PHYHIPL: variants seen among roughly 807,000 people sequenced by gnomAD.
PHYHIPL encodes the protein phytanoyl-CoA 2-hydroxylase interacting protein like, also known as phytanoyl-CoA hydroxylase-interacting protein-like.
PHYHIPL carries 9 observed loss-of-function variants against 33.4 expected under a neutral mutation model. The observed-to-expected ratio is 0.27, with a 90% CI of 0.16 to 0.47. PHYHIPL has a LOEUF of 0.47. Among genes scored for constraint, PHYHIPL ranks in the 20% least tolerant of loss-of-function variants. PHYHIPL has a pLI of 0.99. For missense variants in PHYHIPL, 365 were observed against 460.7 expected (o/e 0.79, Z 1.90); for synonymous variants, 153 against 154.1 (o/e 0.99, Z 0.05).
intron 1 of PHYHIPL, among the ~76,000 whole-genome samples, chr10:59,204,033 G>A (rs953934102): frequency 5.3e-5 from 8 of 152,042 alleles, no homozygotes; most frequent in Admixed American, 1.3e-4. Context: ...ATGTTGTTAC[G>A]GGAATTTACA....
chr10:59,231,633 G>C (rs901882948), intron 1 of PHYHIPL, among the ~76,000 whole-genome samples: 1 of 152,050 alleles, frequency 6.6e-6, no homozygotes, highest in Admixed American at 6.6e-5. Context: ...GGTGATAAAA[G>C]ATTTAACACA....
intron 1 of PHYHIPL, among the ~76,000 whole-genome samples, chr10:59,218,539 A>G (rs1057309855): frequency 2.6e-5 from 4 of 152,182 alleles, no homozygotes; most frequent in Non-Finnish European, 5.9e-5. Context: ...ATAGAGTGCC[A>G]TAAGAGTTCT....
Position 59,245,266 on chromosome 10 carries a change from G to A in PHYHIPL, c.806G>A (p.Gly269Glu). Residue 269 changes from glycine to glutamate, a missense_variant, in exon 5 of 5, where the codon GGG (glycine) becomes GAG (glutamate). Around this residue, in one of 4 missense-constraint regions of PHYHIPL, gnomAD observed 196 missense variants for 224.9 expected, o/e 0.87. Transcript: ENST00000373880. ...LFNPNTNLYF[G>E]DFYCMYTAYH... is the part of the protein sequence containing the mutation. ...AACCCCAATACTAACTTATACTTTG[G>A]GGACTTCTACTGTATGTACACTGCT... The A allele has an allele frequency of 6.2e-7, 1 of 1,614,014 alleles. No homozygotes were observed. The highest frequency in any genetic ancestry group is 1.3e-5 in the African/African-American group (1 of 75,014).
At chr10:59,186,271 G>A (rs1419631803) in intron 1 of PHYHIPL, among the ~76,000 whole-genome samples, 2 of 152,180 alleles carry the variant, frequency 1.3e-5, no homozygotes, top group Non-Finnish European at 2.9e-5. Flanking sequence ...AGATCAGATA[G>A]TTGTAGATAT....
chr10:59,198,727 A>G (rs903683915), intron 1 of PHYHIPL, among the ~76,000 whole-genome samples: 1 of 144,062 alleles, frequency 6.9e-6, no homozygotes, highest in African/African-American at 2.9e-5. Context: ...TTGTTTCCTG[A>G]CTTTTTAATG....
chr10:59,208,342 A>AGAAG (rs1481254137), intron 1 of PHYHIPL, among the ~76,000 whole-genome samples: 3 of 152,222 alleles, frequency 2.0e-5, no homozygotes, highest in Non-Finnish European at 4.4e-5. Flanking sequence ...ACTGAACGTT[A>AGAAG]GAAGGAAAAC....
At chr10:59,237,072 G>T (rs1840249610) in intron 3 of PHYHIPL, among the ~76,000 whole-genome samples, 1 of 150,094 alleles carries the variant, frequency 6.7e-6, no homozygotes, top group African/African-American at 2.5e-5. Flanking sequence ...CTCTATTTCA[G>T]GTGAATGGAG....
At chr10:59,220,639 A>T (rs1448367922) in intron 1 of PHYHIPL, among the ~76,000 whole-genome samples, 6 of 152,098 alleles carry the variant, frequency 3.9e-5, no homozygotes, top group Non-Finnish European at 7.4e-5. Context: ...GAGCAGTTCT[A>T]TTATTTTACA....
At chr10:59,197,959 T>C (rs1256053205) in intron 1 of PHYHIPL, among the ~76,000 whole-genome samples, 3 of 152,236 alleles carry the variant, frequency 2.0e-5, no homozygotes. Context: ...TTTGCATTTA[T>C]GTCCTCTTGT....
At chr10:59,189,534 CTACT>C (rs1376757259) in intron 1 of PHYHIPL, among the ~76,000 whole-genome samples, 7 of 151,878 alleles carry the variant, frequency 4.6e-5, no homozygotes, top group Non-Finnish European at 1.0e-4. Flanking sequence ...TTTTGTTCTT[CTACT>C]TACTATTTTT....
Position 59,245,578 on chromosome 10 carries a change from G to GTGTT in PHYHIPL, c.1119_1122dup (p.Gly375CysfsTer19). On this transcript the variant is annotated frameshift_variant, in exon 5 of 5. Transcript: ENST00000373880. LOFTEE classifies it high-confidence loss of function. ...CCCAGCTGCAAAACCTGTAATATCA[G>GTGTT]TGTTGGACGTTAATGCCCACTTTTC... 6.3e-7 allele frequency: 1 copy of GTGTT among 1,596,294 alleles called. No individual in the cohort carries two copies. The highest frequency in any genetic ancestry group is 8.5e-7 in the Non-Finnish European group (1 of 1,172,832).
chr10:59,225,359 G>A (rs889368719), intron 1 of PHYHIPL, among the ~76,000 whole-genome samples: 3 of 151,628 alleles, frequency 2.0e-5, no homozygotes, highest in African/African-American at 7.3e-5. Flanking sequence ...CCTGTGATTG[G>A]ATAGAGTGAA....
intron 1 of PHYHIPL, among the ~76,000 whole-genome samples, chr10:59,188,451 G>A (rs1838681960): frequency 6.6e-6 from 1 of 152,138 alleles, no homozygotes; most frequent in Non-Finnish European, 1.5e-5. Context: ...TGTTGATTTG[G>A]GGTGGAGAGT....
chr10:59,215,909 T>A (rs1274617766), intron 1 of PHYHIPL, among the ~76,000 whole-genome samples: 1 of 152,112 alleles, frequency 6.6e-6, no homozygotes, highest in East Asian at 1.9e-4. Context: ...AGTCCAAAAT[T>A]TATGGTTGCA....
chr10:59,177,268 T>A, intron 1 of PHYHIPL: 1 of 603,274 alleles, frequency 1.7e-6, no homozygotes, highest in Non-Finnish European at 2.8e-6. Context: ...GACGAGGCGT[T>A]TCCGATCTTT....
At chr10:59,214,700 G>A (rs1839561426) in intron 1 of PHYHIPL, among the ~76,000 whole-genome samples, 1 of 152,012 alleles carries the variant, frequency 6.6e-6, no homozygotes, top group Non-Finnish European at 1.5e-5. Flanking sequence ...AGAAGTATTG[G>A]TGGAACTCAT....
intron 3 of PHYHIPL, among the ~76,000 whole-genome samples, chr10:59,237,683 GAAATA>G (rs948242928): frequency 6.6e-6 from 1 of 151,702 alleles, no homozygotes; most frequent in Admixed American, 6.6e-5. Context: ...CAATGTATTG[GAAATA>G]AAATAAAATA....
intron 1 of PHYHIPL, among the ~76,000 whole-genome samples, chr10:59,203,135 G>A (rs1414131398): frequency 6.6e-6 from 1 of 152,038 alleles, no homozygotes; most frequent in Non-Finnish European, 1.5e-5. Flanking sequence ...TCAAAAGAAG[G>A]CATTTATGCA....
At chr10:59,236,957 T>C (rs1272424352) in intron 3 of PHYHIPL, among the ~76,000 whole-genome samples, 2 of 151,752 alleles carry the variant, frequency 1.3e-5, no homozygotes, top group Admixed American at 6.6e-5. Context: ...ATACTCAGCA[T>C]AATTTTTTAG....
Sources: gnomAD v4.1 joint callset for allele counts (sites outside exome capture counted in the v4.1 genomes callset) on GRCh38, gnomAD v4.1.1 for gene constraint, gnomAD v4.1.1 regional missense constraint, MANE v1.5 for transcripts, NCBI Gene and HGNC (gene_info 2026-07-23, HGNC 2026-07-21) for gene names.